The following IGDCC3 variants were observed in gnomAD, a reference collection of about 807,000 sequenced individuals.
The protein encoded by IGDCC3 is putative neuronal cell adhesion molecule.
Under a neutral mutation model 72.0 loss-of-function variants are expected in IGDCC3, and 47 were observed. That is an observed-to-expected ratio of 0.65 (90% CI 0.52 to 0.83). The LOEUF is 0.83. Among genes scored for constraint, IGDCC3 ranks in the 40% least tolerant of loss-of-function variants. The probability of loss-of-function intolerance (pLI) is 0.00; values close to 1 mark genes in which losing one functional copy is unlikely to be tolerated. For synonymous variants in IGDCC3, 477 were observed against 472.8 expected (o/e 1.01, Z -0.11); for missense variants, 1,038 against 1,091.3 (o/e 0.95, Z 0.69).
chr15:65,329,984 T>A lies in IGDCC3; in HGVS notation c.1859-120A>T. The A allele has an allele frequency of 9.2e-7, 1 of 1,088,746 alleles. No homozygotes were observed. Among genetic ancestry groups the A allele is most frequent in the Non-Finnish European group, 1.3e-6 (1 of 742,068 alleles). The allele number at this position is 1,088,746 out of a possible 1,614,324, so 67.4% of individuals were successfully genotyped here. A position where few individuals can be genotyped will look rare whatever the true frequency, so the allele number is the denominator to read the frequency against. On this transcript the variant is annotated intron_variant, in intron 11 of 13. Transcript: ENST00000327987. The surrounding 1 kb of genome is among the most constrained non-coding windows in gnomAD (Gnocchi z 4.1). ...CCACTCCCAAGTGGGAGTGGGAACA[T>A]CCTTTGACTTTGCCTACAGGACTCC...
chr15:65,346,264 C>T (rs1255083138), intron 2 of IGDCC3, among the ~76,000 whole-genome samples: 1 of 152,262 alleles, frequency 6.6e-6, no homozygotes, highest in Non-Finnish European at 1.5e-5. Context: ...TCCTTGAGTA[C>T]TTCCAACTCT....
intron 6 of IGDCC3, 125 bp downstream of exon 6, chr15:65,333,131 AG>A: frequency 1.1e-6 from 1 of 907,220 alleles, no homozygotes. Context: ...GGGGCCGGTG[AG>A]GGGCGAGGGG....
At chr15:65,376,956 G>A (rs1415385909) in intron 1 of IGDCC3, among the ~76,000 whole-genome samples, 3 of 152,172 alleles carry the variant, frequency 2.0e-5, no homozygotes, top group Non-Finnish European at 4.4e-5. Context: ...GCAGAGCCGA[G>A]CTCCAGGCAG....
At chr15:65,356,553 A>G (rs2140160782) in intron 2 of IGDCC3, among the ~76,000 whole-genome samples, 1 of 152,256 alleles carries the variant, frequency 6.6e-6, no homozygotes, top group Non-Finnish European at 1.5e-5. Context: ...TTAGAAATCA[A>G]TCAGAACTAA....
At chr15:65,371,667 T>C (rs759514463) in intron 2 of IGDCC3, among the ~76,000 whole-genome samples, 35 of 152,180 alleles carry the variant, frequency 2.3e-4, no homozygotes, top group Non-Finnish European at 4.4e-4. Context: ...ATCACCCCAG[T>C]TCCCCAAGAG....
chr15:65,370,089 C>G (rs2091313520), intron 2 of IGDCC3, among the ~76,000 whole-genome samples: 3 of 152,132 alleles, frequency 2.0e-5, no homozygotes, highest in African/African-American at 4.8e-5. Context: ...CTCTCCTCTC[C>G]CCATGTCCCA....
Position 65,330,307 on chromosome 15 carries a change from G to A in IGDCC3, c.1844C>T (p.Ala615Val), listed in dbSNP as rs929883206. The A allele has an allele frequency of 1.2e-6, 2 of 1,612,896 alleles. No homozygotes were observed. Among genetic ancestry groups the A allele is most frequent in the African/African-American group, 1.3e-5 (1 of 74,902 alleles). ...ATVRFVSLRG[A>V]SERTALSPPC... ...CCAGCCCTCACCTGTCCTCTCAGATGCTCCCCTCAAAGACACAAAGCGGAC... is the reference window on the plus strand; with the variant it reads ...CCAGCCCTCACCTGTCCTCTCAGATACTCCCCTCAAAGACACAAAGCGGAC... The change falls in exon 11 of 14, where the codon GCA (alanine) becomes GTA (valine). Residue 615 changes from alanine (A) to valine (V), a missense_variant. Coordinates refer to ENST00000327987, the MANE Select transcript of IGDCC3 (RefSeq NM_004884.4).
rs367721403 is a variant in IGDCC3, at chr15:65,330,404, G to A, written c.1754-7C>T. 1.2e-5 allele frequency: 19 copies of A among 1,609,328 alleles called. No individual in the cohort carries two copies. The African/African-American group carries it at 2.4e-4, about 20-fold the overall frequency. On this transcript the variant is annotated splice_polypyrimidine_tract_variant and splice_region_variant and intron_variant, in intron 10 of 13. Coordinates refer to ENST00000327987, the MANE Select transcript of IGDCC3 (RefSeq NM_004884.4). Reference sequence around the variant, plus strand: ...TCATACACTGCAGTGGGGTCTGGAGGAAGGCAGGGCGGATGAGCAACTGCC... The same window carrying A: ...TCATACACTGCAGTGGGGTCTGGAGAAAGGCAGGGCGGATGAGCAACTGCC...
At chr15:65,370,748 T>C (rs1222152871) in intron 2 of IGDCC3, among the ~76,000 whole-genome samples, 2 of 150,964 alleles carry the variant, frequency 1.3e-5, no homozygotes, top group African/African-American at 4.9e-5. Context: ...TATTTCTCCT[T>C]GGTATTTTTT....
Position 65,329,112 on chromosome 15 carries a change from G to A in IGDCC3, c.2242C>T (p.Gln748Ter). 3 of 1,610,462 alleles carry A rather than the reference G, an allele frequency of 1.9e-6. No individual in the cohort carries two copies. ...PAAPAPCEET[Q>*]LSVLPLQGCG... is the part of the protein sequence containing the mutation. ...CCCTGAAGTGGCAGCACGGAGAGCT[G>A]GGTCTCCTCACACGGAGCGGGGGCT... Residue 748 changes from glutamine to a stop codon, truncating the protein, a stop_gained, in exon 14 of 14, where the codon CAG becomes TAG. Coordinates refer to ENST00000327987, the MANE Select transcript of IGDCC3 (RefSeq NM_004884.4). LOFTEE classifies it low-confidence loss of function (END_TRUNC). This position sits in a 1 kb window ranked among gnomAD's most constrained non-coding sequence, Gnocchi z 4.1.
intron 2 of IGDCC3, chr15:65,355,859 C>A: frequency 2.7e-6 from 1 of 366,248 alleles, no homozygotes; most frequent in Middle Eastern, 4.1e-4. Flanking sequence ...CCCGCCACCC[C>A]CTCCCCCAGA....
chr15:65,333,244 G>T lies in IGDCC3; in HGVS notation c.982+13C>A, dbSNP rs1048010856. The T allele has an allele frequency of 3.1e-6, 5 of 1,592,266 alleles. No individual in the cohort carries two copies. Among genetic ancestry groups the T allele is most frequent in the South Asian group, 1.1e-5 (1 of 87,630 alleles). On this transcript the variant is annotated intron_variant, in intron 6 of 13. Coordinates refer to ENST00000327987, the MANE Select transcript of IGDCC3 (RefSeq NM_004884.4). The stretch of plus-strand genomic sequence containing the variant: ...GATCCCTGCCCTCCTCCTCAGGGTT[G>T]GCTGATCCATACCTTGCACCACCAG...
intron 2 of IGDCC3, among the ~76,000 whole-genome samples, chr15:65,372,034 G>C (rs2091328667): frequency 6.6e-6 from 1 of 152,240 alleles, no homozygotes; most frequent in Non-Finnish European, 1.5e-5. Flanking sequence ...GAGGGAGAAA[G>C]CAGGGGCCGG....
Position 65,330,347 on chromosome 15 carries a change from C to T in IGDCC3, c.1804G>A (p.Asp602Asn). ...VKLLAYNQHG[D>N]GNATVRFVSL... ...ACAAAGCGGACTGTGGCATTGCCAT[C>T]TCCATGCTGGTTGTAGGCGAGCAGC... The change falls in exon 11 of 14, where the codon GAT (aspartate) becomes AAT (asparagine). Residue 602 changes from aspartate to asparagine, a missense_variant. Coordinates refer to ENST00000327987, the MANE Select transcript of IGDCC3 (RefSeq NM_004884.4). 2 of 1,614,148 alleles carry T rather than the reference C, an allele frequency of 1.2e-6. No homozygotes were observed. The highest frequency in any genetic ancestry group is 1.7e-5 in the Admixed American group (1 of 60,016).
chr15:65,335,775 CTT>C (rs1476053972), intron 3 of IGDCC3, 35 bp downstream of exon 3: 2 of 1,612,138 alleles, frequency 1.2e-6, no homozygotes, highest in East Asian at 4.5e-5. Context: ...CTGGCCACCT[CTT>C]TGTCCTCCCT....
chr15:65,361,435 G>C (rs1368797992), intron 2 of IGDCC3, among the ~76,000 whole-genome samples: 3 of 150,326 alleles, frequency 2.0e-5, no homozygotes, highest in Non-Finnish European at 1.5e-5. Flanking sequence ...CAGGATGACA[G>C]AGCAAGACCC....
chr15:65,338,549 G>A (rs1416724380), intron 2 of IGDCC3, among the ~76,000 whole-genome samples: 1 of 152,114 alleles, frequency 6.6e-6, no homozygotes, highest in Non-Finnish European at 1.5e-5. Context: ...CCCACCCCTG[G>A]GAGCCCAGCT....
intron 2 of IGDCC3, among the ~76,000 whole-genome samples, chr15:65,372,548 G>T (rs535890510): frequency 6.6e-6 from 1 of 152,142 alleles, no homozygotes; most frequent in African/African-American, 2.4e-5. Context: ...CCTCTGGCCC[G>T]GAGCTCAGAT....
chr15:65,336,061 A>G, intron 2 of IGDCC3, 105 bp from the exon 3 acceptor site: 1 of 1,197,434 alleles, frequency 8.4e-7, no homozygotes. Flanking sequence ...AGCCCACTCC[A>G]TCCAGGGGCA....
Sources: allele counts gnomAD v4.1 joint callset (sites outside exome capture counted in the v4.1 genomes callset), GRCh38; gene constraint gnomAD v4.1.1; non-coding constraint Gnocchi (gnomAD v3.1); transcripts MANE v1.5; gene names NCBI Gene and HGNC (gene_info 2026-07-23, HGNC 2026-07-21).